CAMSAP1: variants seen among roughly 807,000 people sequenced by gnomAD.
CAMSAP1 encodes the protein calmodulin regulated spectrin associated protein 1, also known as calmodulin-regulated spectrin-associated protein 1.
In CAMSAP1, 58 loss-of-function variants were observed where a neutral mutation model predicts 143.5. That is an observed-to-expected ratio of 0.40 (90% CI 0.33 to 0.50). The LOEUF (loss-of-function observed/expected upper bound fraction) is 0.50. CAMSAP1 is among the 20% of genes least tolerant of loss of function. The probability of loss-of-function intolerance (pLI) is 0.45; values close to 1 mark genes in which losing one functional copy is unlikely to be tolerated. For missense variants in CAMSAP1, 1,969 were observed against 2,115.7 expected, an observed-to-expected ratio of 0.93 and a Z score of 1.36; for synonymous variants, 945 against 859.3, an observed-to-expected ratio of 1.10 and a Z score of -1.74.
chr9:135,818,132 T>TACC lies in CAMSAP1; in HGVS notation c.4169-56_4169-54dup. 1 of 1,557,302 alleles carries TACC rather than the reference T, an allele frequency of 6.4e-7. No homozygotes were observed. Among genetic ancestry groups the TACC allele is most frequent in the Non-Finnish European group, 8.8e-7 (1 of 1,133,898 alleles). On this transcript the variant is annotated intron_variant, in intron 13 of 16. Transcript: ENST00000389532. This position sits in a 1 kb window ranked among gnomAD's most constrained non-coding sequence, Gnocchi z 7.7. ...TCATGAACGGATTCCGACAGACAAG[T>TACC]ACCTGTCCCCTGTACCTGTTCCCCT...
chr9:135,886,577 G>A (rs1838129683), intron 1 of CAMSAP1, among the ~76,000 whole-genome samples: 1 of 152,240 alleles, frequency 6.6e-6, no homozygotes, highest in Non-Finnish European at 1.5e-5. Context: ...GCGTGCCTGC[G>A]CTGGGAGGAC....
chr9:135,869,011 G>A (rs968308371), intron 3 of CAMSAP1, among the ~76,000 whole-genome samples: 5 of 152,024 alleles, frequency 3.3e-5, no homozygotes, highest in Non-Finnish European at 5.9e-5. Context: ...ACAATTTTCC[G>A]AATGACCAAA....
rs1399011763 is a variant in CAMSAP1, at chr9:135,882,397, GCA to G, written c.423+417_423+418del. Among the ~76,000 whole-genome samples the G allele has an allele frequency of 6.6e-6, 1 of 152,096 alleles. No individual in the cohort carries two copies. Among genetic ancestry groups the G allele is most frequent in the Non-Finnish European group, 1.5e-5 (1 of 68,030 alleles). On this transcript the variant is annotated intron_variant, in intron 2 of 16. Coordinates refer to ENST00000389532, the MANE Select transcript of CAMSAP1 (RefSeq NM_015447.4). This position sits in a 1 kb window ranked among gnomAD's most constrained non-coding sequence, Gnocchi z 4.9. ...ACGCTCTGGAAAAGGCACACCAGTA[GCA>G]AGGCTTCAGAGAAAGATGGGGGTGG...
At position 135,818,494 on chromosome 9, in the gene CAMSAP1, G is replaced by A; in HGVS notation, c.4082C>T (p.Pro1361Leu). 6.2e-7 allele frequency: 1 copy of A among 1,610,478 alleles called. No individual in the cohort carries two copies. Among genetic ancestry groups the A allele is most frequent in the Non-Finnish European group, 8.5e-7 (1 of 1,179,676 alleles). The change falls in exon 13 of 17, where the codon CCC becomes CTC. Residue 1361 changes from proline to leucine, a missense_variant. Pro to Leu is a moderately conservative substitution (Grantham distance 98, BLOSUM62 -3). Transcript: ENST00000389532. This position sits in a 1 kb window ranked among gnomAD's most constrained non-coding sequence, Gnocchi z 7.7. Reference protein sequence around the residue: ...QILEEQGLGKPKSKPKKPRPK... With the variant: ...QILEEQGLGKLKSKPKKPRPK... The stretch of plus-strand genomic sequence containing the variant: ...CCGCGGCTTCTTCGGCTTTGACTTG[G>A]GCTTGCCGAGCCCCTGCTCCTCTAG...
chr9:135,907,185 GC>G lies in CAMSAP1; in HGVS notation c.-27del. Reference sequence around the variant, plus strand: ...CTGCAGACAAAGGGCTGAGGCGGCGGCCCGGCCGCAACAAAGGCGCCGCCGC... The same window carrying G: ...CTGCAGACAAAGGGCTGAGGCGGCGGCCGGCCGCAACAAAGGCGCCGCCGC... On this transcript the variant is annotated 5_prime_UTR_variant, in exon 1 of 17. Coordinates refer to ENST00000389532, the MANE Select transcript of CAMSAP1 (RefSeq NM_015447.4). 9.4e-7 allele frequency: 1 copy of G among 1,069,258 alleles called. No homozygotes were observed. Among genetic ancestry groups the G allele is most frequent in the Non-Finnish European group, 1.1e-6 (1 of 883,860 alleles). The allele number at this position is 1,069,258 out of a possible 1,614,324, so 66.2% of individuals were successfully genotyped here. A position where few individuals can be genotyped will look rare whatever the true frequency, so the allele number is the denominator to read the frequency against.
chr9:135,846,351 C>T (rs543363556), intron 7 of CAMSAP1, among the ~76,000 whole-genome samples: 1 of 152,238 alleles, frequency 6.6e-6, no homozygotes, highest in South Asian at 2.1e-4. Context: ...TGGATCCCTT[C>T]CTTACACCTT....
Position 135,892,848 on chromosome 9 carries a change from CA to C in CAMSAP1, c.161-9771del, listed in dbSNP as rs59978082. On this transcript the variant is annotated intron_variant, in intron 1 of 16. Transcript: ENST00000389532. ...CCTGGGCAACAGAGCAAGACTGTCT[CA>C]AAAAAAAAAAAAAAAAAAGAACTAA... is the stretch of plus-strand genomic sequence containing the variant. Among the ~76,000 whole-genome samples, 62 of 42,072 alleles carry C rather than the reference CA, an allele frequency of 1.5e-3. 2 individuals are homozygous for C. Among genetic ancestry groups the C allele is most frequent in the South Asian group, 5.1e-3 (5 of 988 alleles). The allele number at this position is 42,072 out of a possible 152,430, so 27.6% of individuals were successfully genotyped here. A position where few individuals can be genotyped will look rare whatever the true frequency, so the allele number is the denominator to read the frequency against.
intron 7 of CAMSAP1, chr9:135,849,925 A>G (rs1278778411): frequency 4.6e-6 from 2 of 434,394 alleles, no homozygotes; most frequent in Admixed American, 4.0e-5. Flanking sequence ...GAGTTGTGCA[A>G]TTTTTAGAGC....
chr9:135,839,473 T>C (rs1371354035), intron 7 of CAMSAP1, among the ~76,000 whole-genome samples: 1 of 151,970 alleles, frequency 6.6e-6, no homozygotes, highest in Non-Finnish European at 1.5e-5. Context: ...GGCCTACAGG[T>C]ATCAGTGGAG....
rs1325782981 is a variant in CAMSAP1 at position 135,826,460 on chromosome 9, C to G, written c.1223+947G>C. The G allele has an allele frequency of 6.6e-6, 1 of 152,104 alleles. No homozygotes were observed. Among genetic ancestry groups the G allele is most frequent in the African/African-American group, 2.4e-5 (1 of 41,252 alleles). The allele number at this position is 152,104 out of a possible 1,614,324, so 9.4% of individuals were successfully genotyped here. ...GCTATGCCCCACCCCTGGGTGTGTA[C>G]CCCCCCACCACTGCCTGTATCACAA... On this transcript the variant is annotated intron_variant, in intron 8 of 16. Coordinates refer to ENST00000389532, the MANE Select transcript of CAMSAP1 (RefSeq NM_015447.4). The surrounding 1 kb of genome is among the most constrained non-coding windows in gnomAD (Gnocchi z 4.4).
intron 5 of CAMSAP1, among the ~76,000 whole-genome samples, chr9:135,858,017 G>T (rs928311569): frequency 6.6e-6 from 1 of 152,130 alleles, no homozygotes; most frequent in African/African-American, 2.4e-5. Context: ...CTCATTGCTG[G>T]AGACCAACTT....
chr9:135,847,524 T>TA (rs964769844), intron 7 of CAMSAP1, among the ~76,000 whole-genome samples: 31 of 150,762 alleles, frequency 2.1e-4, no homozygotes, highest in Non-Finnish European at 3.4e-4. Context: ...ATGCAGCCAT[T>TA]AAAAAAAAGG....
intron 1 of CAMSAP1, among the ~76,000 whole-genome samples, chr9:135,903,366 A>G (rs909892370): frequency 2.0e-5 from 3 of 152,216 alleles, no homozygotes; most frequent in Admixed American, 1.3e-4. Context: ...TCAATGAAAC[A>G]AGAGAGTTAC....
intron 7 of CAMSAP1, among the ~76,000 whole-genome samples, chr9:135,831,603 T>G (rs1480471528): frequency 3.3e-5 from 5 of 152,002 alleles, no homozygotes; most frequent in Admixed American, 6.6e-5. Flanking sequence ...AAGCTCAAAG[T>G]TAGCAGAAGA....
intron 5 of CAMSAP1, among the ~76,000 whole-genome samples, chr9:135,853,673 G>T (rs980402468): frequency 6.6e-6 from 1 of 152,238 alleles, no homozygotes; most frequent in Non-Finnish European, 1.5e-5. Context: ...CATGACAAGA[G>T]AATGCTCATA....
At chr9:135,839,765 C>T (rs754038694) in intron 7 of CAMSAP1, among the ~76,000 whole-genome samples, 7 of 152,130 alleles carry the variant, frequency 4.6e-5, no homozygotes, top group Non-Finnish European at 8.8e-5. Flanking sequence ...CATACACAGC[C>T]CAGACCCTCA....
chr9:135,818,267 G>T lies in CAMSAP1; in HGVS notation c.4168+141C>A. The T allele has an allele frequency of 8.9e-7, 1 of 1,118,342 alleles. No homozygotes were observed. Among genetic ancestry groups the T allele is most frequent in the Non-Finnish European group, 1.3e-6 (1 of 793,764 alleles). The allele number at this position is 1,118,342 out of a possible 1,614,324, so 69.3% of individuals were successfully genotyped here. On this transcript the variant is annotated intron_variant, in intron 13 of 16. Transcript: ENST00000389532. The surrounding 1 kb of genome is among the most constrained non-coding windows in gnomAD (Gnocchi z 7.7). ...TCTCAGAGCATCTGGTCTCAACATT[G>T]TCATCCATGAAACGGGGATAATCAT...
intron 8 of CAMSAP1, among the ~76,000 whole-genome samples, chr9:135,825,595 T>C (rs973802543): frequency 6.6e-6 from 1 of 152,206 alleles, no homozygotes; most frequent in Non-Finnish European, 1.5e-5. Flanking sequence ...GATCGCACAG[T>C]TCTGACAGAG....
intron 5 of CAMSAP1, among the ~76,000 whole-genome samples, chr9:135,860,543 A>C (rs928778708): frequency 6.1e-5 from 9 of 147,778 alleles, no homozygotes; most frequent in Non-Finnish European, 1.0e-4. Context: ...GGTTGCAGTG[A>C]GCCAAGATCA....
Sources: allele counts gnomAD v4.1 joint callset (sites outside exome capture counted in the v4.1 genomes callset), GRCh38; gene constraint gnomAD v4.1.1; non-coding constraint Gnocchi (gnomAD v3.1); transcripts MANE v1.5; gene names NCBI Gene and HGNC (gene_info 2026-07-23, HGNC 2026-07-21).